Variants in NPC1L1 observed in about 807,000 individuals in gnomAD.
NPC1L1 encodes NPC1 like intracellular cholesterol transporter 1.
NPC1L1 carries 98 observed loss-of-function variants against 117.0 expected under a neutral mutation model. That is an observed-to-expected ratio of 0.84 (90% confidence interval 0.71 to 0.99). The LOEUF is 0.99. Among genes scored for constraint, NPC1L1 ranks in the 50% least tolerant of loss-of-function variants. NPC1L1 has a pLI of 0.00. For missense variants in NPC1L1, 1,540 were observed against 1,710.0 expected, an observed-to-expected ratio of 0.90 and a Z score of 1.75; for synonymous variants, 729 against 727.6, an observed-to-expected ratio of 1.00 and a Z score of -0.03.
At position 44,515,812 on chromosome 7, in the gene NPC1L1, T is replaced by G; in HGVS notation, c.3787A>C (p.Ser1263Arg). 6.2e-7 allele frequency: 1 copy of G among 1,614,142 alleles called. No homozygotes were observed. Among genetic ancestry groups the G allele is most frequent in the Non-Finnish European group, 8.5e-7 (1 of 1,180,024 alleles). Residue 1263 changes from serine to arginine, a missense_variant, in exon 18 of 19, where the codon AGC (serine) becomes CGC (arginine). Ser to Arg is a moderately radical substitution (Grantham distance 110). Coordinates refer to ENST00000381160, the MANE Select transcript of NPC1L1 (RefSeq NM_001101648.2). ...AGGCCTGGGCACTCACCCACGTAGC[T>G]GAGGATGACGGGCAGGAAGACCAAG... Reference protein sequence around the residue: ...HGLVFLPVILSYVGPDVNPAL... With the variant: ...HGLVFLPVILRYVGPDVNPAL...
chr7:44,531,175 A>T (rs1801688595), intron 10 of NPC1L1, among the ~76,000 whole-genome samples: 1 of 152,156 alleles, frequency 6.6e-6, no homozygotes, highest in Non-Finnish European at 1.5e-5. Flanking sequence ...TGGCTGATGC[A>T]TTGTGCCTGT....
At chr7:44,514,988 G>A (rs1226610955) in intron 18 of NPC1L1, among the ~76,000 whole-genome samples, 2 of 151,956 alleles carry the variant, frequency 1.3e-5, no homozygotes, top group African/African-American at 4.8e-5. Flanking sequence ...ACTCCAGCCT[G>A]GGCAACAGAG....
chr7:44,530,297 C>A lies in NPC1L1; in HGVS notation c.2637+1458G>T, dbSNP rs534749656. Among the ~76,000 whole-genome samples, 4 of 152,228 alleles carry A rather than the reference C, an allele frequency of 2.6e-5. No homozygotes were observed. The South Asian group carries it at 8.3e-4, about 32-fold the overall frequency. ...AGATTGCGGTGAGCCGAGATCACAC[C>A]ATTGCACTCCAGCCTGGGCAACAAG... On this transcript the variant is annotated intron_variant, in intron 10 of 18. Coordinates refer to ENST00000381160, the MANE Select transcript of NPC1L1 (RefSeq NM_001101648.2).
rs1801899944 is a variant in NPC1L1, at chr7:44,536,536, CCCTTGCT to C, written c.1682-115_1682-109del. 1 of 1,241,226 alleles carries C rather than the reference CCCTTGCT, an allele frequency of 8.1e-7. No homozygotes were observed. Among genetic ancestry groups the C allele is most frequent in the East Asian group, 2.3e-5 (1 of 42,660 alleles). 76.9% of individuals were successfully genotyped at this position (1,241,226 alleles called of 1,614,324 possible). On this transcript the variant is annotated intron_variant, in intron 3 of 18. Coordinates refer to ENST00000381160, the MANE Select transcript of NPC1L1 (RefSeq NM_001101648.2). This position sits in a 1 kb window ranked among gnomAD's most constrained non-coding sequence, Gnocchi z 4.7. ...TATCTAGCTGCACCCCTCCCATCAC[CCCTTGCT>C]CCTTCTCCCCCACTCCTTCCTCATC...
At position 44,533,843 on chromosome 7, in the gene NPC1L1, C is replaced by T. The variant is rs765299082; in HGVS notation, c.2177G>A (p.Arg726Gln). Residue 726 changes from arginine to glutamine, a missense_variant, in exon 7 of 19, where the codon CGG (arginine) becomes CAG (glutamine). Physicochemically the swap from Arg to Gln is conservative, Grantham distance 43. Around this residue, in one of 3 missense-constraint regions of NPC1L1, gnomAD observed 742 missense variants for 873.6 expected, o/e 0.85. Transcript: ENST00000381160. ...IFVLEYQRLP[R>Q]RPGEPREVHI... ...GACCTCTCGTGGCTCCCCAGGCCTC[C>T]GGGGCAGCCTCTGTGTGGGAACAGC... is the stretch of plus-strand genomic sequence containing the variant. 3.8e-5 allele frequency: 62 copies of T among 1,611,398 alleles called. No homozygotes were observed. The highest frequency in any genetic ancestry group is 3.3e-4 in the Middle Eastern group (2 of 6,058).
chr7:44,517,756 G>A (rs1199189840), intron 14 of NPC1L1, among the ~76,000 whole-genome samples: 1 of 152,184 alleles, frequency 6.6e-6, no homozygotes, highest in African/African-American at 2.4e-5. Context: ...GAGAACGGTT[G>A]GATTATTAGA....
chr7:44,539,865 G>T lies in NPC1L1; in HGVS notation c.532C>A (p.Pro178Thr). The T allele has an allele frequency of 3.1e-6, 5 of 1,614,060 alleles. No homozygotes were observed. The highest frequency in any genetic ancestry group is 2.5e-6 in the Non-Finnish European group (3 of 1,180,036). ...CCCACAGCCAGCGTGGCAGCTGCAG[G>T]GACGCGCACACGGCTGCAGGAGTCA... is the stretch of plus-strand genomic sequence containing the variant. ...SYDSCSRVRV[P>T]AAATLAVGTM... Residue 178 changes from proline (P) to threonine (T), a missense_variant, in exon 2 of 19, where the codon CCT becomes ACT. Coordinates refer to ENST00000381160, the MANE Select transcript of NPC1L1 (RefSeq NM_001101648.2). The surrounding 1 kb of genome is among the most constrained non-coding windows in gnomAD (Gnocchi z 4.4).
In NPC1L1 at chr7:44,535,521, C is replaced by A. The variant is rs1801853154; in HGVS notation, c.1983+319G>T. Among the ~76,000 whole-genome samples the A allele has an allele frequency of 2.0e-5, 3 of 150,398 alleles. No individual in the cohort carries two copies. The South Asian group carries it at 6.3e-4, about 31-fold the overall frequency. ...CTCCAGCCTGGGCAACAGAGCAAGA[C>A]CCTGTCTCAAAAGAAAGAAAGAGAG... is the stretch of plus-strand genomic sequence containing the variant. On this transcript the variant is annotated intron_variant, in intron 5 of 18. Transcript: ENST00000381160.
chr7:44,520,692 G>C (rs372959746), intron 14 of NPC1L1, 73 bp downstream of exon 14: 6 of 1,276,516 alleles, frequency 4.7e-6, no homozygotes, highest in Non-Finnish European at 5.7e-6. Context: ...GTGACAGGCT[G>C]TTCCCTGGGG....
chr7:44,516,963 C>A, intron 15 of NPC1L1, 29 bp from the exon 16 acceptor site: 1 of 1,598,866 alleles, frequency 6.3e-7, no homozygotes, highest in South Asian at 1.1e-5. Context: ...TGGTCACAGG[C>A]TCAGGCCTCT....
Position 44,515,985 on chromosome 7 carries a change from G to T in NPC1L1, c.3634-20C>A, listed in dbSNP as rs1427271715. 6.2e-7 allele frequency: 1 copy of T among 1,612,968 alleles called. No individual in the cohort carries two copies. The highest frequency in any genetic ancestry group is 1.1e-5 in the South Asian group (1 of 90,958). On this transcript the variant is annotated intron_variant, in intron 17 of 18. Coordinates refer to ENST00000381160, the MANE Select transcript of NPC1L1 (RefSeq NM_001101648.2). ...AAACACCTGGGGGGTTCAGAGCCAG[G>T]TGTCAGGCAGGGCACAGGGCATCAG...
intron 8 of NPC1L1, 31 bp downstream of exon 8, chr7:44,533,400 G>A (rs1033115778): frequency 1.9e-6 from 3 of 1,612,884 alleles, no homozygotes; most frequent in Admixed American, 3.3e-5. Context: ...CCCAGGGGCA[G>A]GTCCCTCAGT....
chr7:44,517,105 T>G, intron 15 of NPC1L1, 102 bp downstream of exon 15: 1 of 1,537,838 alleles, frequency 6.5e-7, no homozygotes, highest in Non-Finnish European at 9.0e-7. Flanking sequence ...GACCTAAAAC[T>G]GGTCCTCATC....
At chr7:44,525,272 T>C (rs1478280729) in intron 10 of NPC1L1, among the ~76,000 whole-genome samples, 1 of 152,194 alleles carries the variant, frequency 6.6e-6, no homozygotes, top group Non-Finnish European at 1.5e-5. Context: ...TAATTTTTTT[T>C]TTTTGAGATG....
At position 44,539,884 on chromosome 7, in the gene NPC1L1, G is replaced by A; in HGVS notation, c.513C>T (p.Ser171=). ...QHSFAEQSYD[S]CSRVRVPAAA... Reference sequence around the variant, plus strand: ...CTGCAGGGACGCGCACACGGCTGCAGGAGTCATAGCTCTGCTCGGCAAAGC... The same window carrying A: ...CTGCAGGGACGCGCACACGGCTGCAAGAGTCATAGCTCTGCTCGGCAAAGC... The change falls in exon 2 of 19, where the codon TCC becomes TCT. Residue 171 remains serine, a synonymous_variant. Coordinates refer to ENST00000381160, the MANE Select transcript of NPC1L1 (RefSeq NM_001101648.2). This position sits in a 1 kb window ranked among gnomAD's most constrained non-coding sequence, Gnocchi z 4.4. The A allele has an allele frequency of 6.2e-7, 1 of 1,614,106 alleles. No homozygotes were observed. The highest frequency in any genetic ancestry group is 8.5e-7 in the Non-Finnish European group (1 of 1,180,034).
chr7:44,530,895 C>G (rs1321013230), intron 10 of NPC1L1, among the ~76,000 whole-genome samples: 1 of 152,218 alleles, frequency 6.6e-6, no homozygotes, highest in Non-Finnish European at 1.5e-5. Context: ...ACACCTACCC[C>G]AGCCGCACCC....
Sources: allele counts gnomAD v4.1 joint callset (sites outside exome capture counted in the v4.1 genomes callset), GRCh38; gene constraint gnomAD v4.1.1; regional missense constraint gnomAD v4.1.1; non-coding constraint Gnocchi (gnomAD v3.1); transcripts MANE v1.5; gene names NCBI Gene and HGNC (gene_info 2026-07-23, HGNC 2026-07-21).